The following AGO1 variants were observed in gnomAD, a reference collection of about 807,000 sequenced individuals.
AGO1 encodes argonaute RISC component 1, also known as protein argonaute-1.
A neutral mutation model predicts 109.2 loss-of-function variants in AGO1; 11 were observed. The ratio of observed to expected loss-of-function variants is 0.10; its 90% CI spans 0.06 to 0.17. AGO1 has a LOEUF of 0.17. Ranked by LOEUF, AGO1 falls within the 10% of genes least tolerant of loss-of-function variation. The probability of loss-of-function intolerance (pLI) is 1.00; values close to 1 mark genes in which losing one functional copy is unlikely to be tolerated. For synonymous variants in AGO1, 422 were observed against 418.6 expected, an observed-to-expected ratio of 1.01 and a Z score of -0.10; for missense variants, 574 against 1,140.3, an observed-to-expected ratio of 0.50 and a Z score of 7.15.
chr1:35,904,196 TC>T (rs1284560113), intron 11 of AGO1, among the ~76,000 whole-genome samples: 1 of 147,890 alleles, frequency 6.8e-6, no homozygotes, highest in Non-Finnish European at 1.5e-5. Flanking sequence ...AGCTCCGCCT[TC>T]CGGGTTCACG....
chr1:35,906,666 C>G (rs1442996471), intron 11 of AGO1, among the ~76,000 whole-genome samples: 1 of 151,900 alleles, frequency 6.6e-6, no homozygotes, highest in Non-Finnish European at 1.5e-5. Flanking sequence ...AAAAATTAGC[C>G]AGGCATGGTG....
In AGO1 at chr1:35,912,807, C is replaced by T. The variant is rs189568625; in HGVS notation, c.1583-1035C>T. ...CAGGCTGTTCTTGAACTCCTGACCT[C>T]GTGATCCACCCACCTGAGCCTCCCA... On this transcript the variant is annotated intron_variant, in intron 12 of 18. Coordinates refer to ENST00000373204, the MANE Select transcript of AGO1 (RefSeq NM_012199.5). Among the ~76,000 whole-genome samples the T allele has an allele frequency of 5.3e-4, 80 of 152,144 alleles. 1 individual carries two copies. Among genetic ancestry groups the T allele is most frequent in the Non-Finnish European group, 8.5e-4 (58 of 68,002 alleles).
upstream of AGO1, among the ~76,000 whole-genome samples, chr1:35,881,775 G>C (rs1036552450): frequency 2.0e-5 from 3 of 152,206 alleles, no homozygotes; most frequent in African/African-American, 7.2e-5. Flanking sequence ...CCTCTGCATG[G>C]CATCTAGTGT....
At chr1:35,873,088 A>G (rs1034719522) in intron 1 of AGO1, among the ~76,000 whole-genome samples, 7 of 150,822 alleles carry the variant, frequency 4.6e-5, no homozygotes, top group Admixed American at 2.6e-4. Flanking sequence ...ATTACTGTCT[A>G]TGCTTAGCAA....
chr1:35,920,262 C>T lies in AGO1; in HGVS notation c.*655C>T, dbSNP rs1329847234. 6.6e-6 allele frequency: 1 copy of T among 152,516 alleles called. No individual in the cohort carries two copies. Among genetic ancestry groups the T allele is most frequent in the Non-Finnish European group, 1.5e-5 (1 of 68,072 alleles). The allele number at this position is 152,516 out of a possible 1,614,324, so 9.4% of individuals were successfully genotyped here. ...ATTCCTCTCTGTCCACATTTTCTGC[C>T]CCACCTTACTTCTCCTCCCTGACAG... On this transcript the variant is annotated 3_prime_UTR_variant, in exon 19 of 19. Transcript: ENST00000373204.
intron 2 of AGO1, among the ~76,000 whole-genome samples, chr1:35,891,046 T>G (rs897648618): frequency 6.6e-6 from 1 of 152,200 alleles, no homozygotes; most frequent in African/African-American, 2.4e-5. Context: ...TTAGAGCTGC[T>G]TCCTGGTAGG....
chr1:35,893,072 A>T lies in AGO1; in HGVS notation c.331-25A>T, dbSNP rs1344441749. ...TCTCGCAGAGCAATGGCAATCCTTC[A>T]TCCCTTTCTTTCACCCTCCTGAAGG... On this transcript the variant is annotated intron_variant, in intron 3 of 18. Coordinates refer to ENST00000373204, the MANE Select transcript of AGO1 (RefSeq NM_012199.5). This position sits in a 1 kb window ranked among gnomAD's most constrained non-coding sequence, Gnocchi z 5.6. The T allele has an allele frequency of 1.2e-6, 2 of 1,609,010 alleles. No homozygotes were observed. Among genetic ancestry groups the T allele is most frequent in the South Asian group, 1.1e-5 (1 of 90,520 alleles).
At chr1:35,891,655 C>G (rs1645221501) in intron 2 of AGO1, among the ~76,000 whole-genome samples, 1 of 152,004 alleles carries the variant, frequency 6.6e-6, no homozygotes, top group African/African-American at 2.4e-5. Context: ...ACCTCTGCCT[C>G]TCAGGCTCAA....
At chr1:35,910,896 C>A (rs565998912) in intron 12 of AGO1, among the ~76,000 whole-genome samples, 1 of 152,090 alleles carries the variant, frequency 6.6e-6, no homozygotes, top group Non-Finnish European at 1.5e-5. Flanking sequence ...GAAACCCAGT[C>A]TCTACTAAAA....
At chr1:35,908,196 G>A (rs564300099) in intron 12 of AGO1, among the ~76,000 whole-genome samples, 1 of 152,236 alleles carries the variant, frequency 6.6e-6, no homozygotes, top group South Asian at 2.1e-4. Context: ...CAGCCACCTT[G>A]CCTTCTGTCT....
rs1646007200 is a variant in AGO1 at position 35,930,108 on chromosome 1, T to G, written c.*10501T>G. 1 of 152,168 alleles carries G rather than the reference T, an allele frequency of 6.6e-6. No homozygotes were observed. Among genetic ancestry groups the G allele is most frequent in the African/African-American group, 2.4e-5 (1 of 41,428 alleles). The allele number at this position is 152,168 out of a possible 1,614,324, so 9.4% of individuals were successfully genotyped here. On this transcript the variant is annotated 3_prime_UTR_variant, in exon 19 of 19. Coordinates refer to ENST00000373204, the MANE Select transcript of AGO1 (RefSeq NM_012199.5). ...TATGTTTCATTAAGGCAACAAATATTTATTAAGGACCTAATATTTGCCTGA... is the reference window on the plus strand; with the variant it reads ...TATGTTTCATTAAGGCAACAAATATGTATTAAGGACCTAATATTTGCCTGA...
intron 1 of AGO1, among the ~76,000 whole-genome samples, chr1:35,884,177 G>A (rs1645081682): frequency 2.0e-5 from 3 of 151,334 alleles, no homozygotes; most frequent in South Asian, 4.2e-4. Flanking sequence ...GTGTGCAAAT[G>A]GTTATGGTCC....
chr1:35,876,550 G>A (rs147950043), intron 1 of AGO1, among the ~76,000 whole-genome samples: 54 of 152,286 alleles, frequency 3.5e-4, no homozygotes, highest in African/African-American at 1.2e-3. Flanking sequence ...ACAGGTGTGA[G>A]CCACTGTGCC....
In AGO1 at chr1:35,895,151, C is replaced by G. The variant is rs1472903106; in HGVS notation, c.902C>G (p.Thr301Ser). ...CCCTTACAGCTGGAGAGTGGACAGA[C>G]TGTGGAGTGCACAGTGGCACAGTAT... is the stretch of plus-strand genomic sequence containing the variant. Reference protein sequence around the residue: ...TFPLQLESGQTVECTVAQYFK... With the variant: ...TFPLQLESGQSVECTVAQYFK... Residue 301 changes from threonine to serine, a missense_variant, in exon 8 of 19, where the codon ACT becomes AGT. Thr to Ser is a moderately conservative substitution (Grantham distance 58). Transcript: ENST00000373204. The G allele has an allele frequency of 6.2e-7, 1 of 1,613,150 alleles. No homozygotes were observed. Among genetic ancestry groups the G allele is most frequent in the Admixed American group, 1.7e-5 (1 of 59,908 alleles).
chr1:35,881,207 C>T (rs559371438), upstream of AGO1, among the ~76,000 whole-genome samples: 1 of 152,222 alleles, frequency 6.6e-6, no homozygotes, highest in Non-Finnish European at 1.5e-5. Flanking sequence ...AGATCGGCAG[C>T]ATCATCAGCC....
At chr1:35,905,941 A>G (rs1571363312) in intron 11 of AGO1, among the ~76,000 whole-genome samples, 1 of 152,292 alleles carries the variant, frequency 6.6e-6, no homozygotes, top group East Asian at 1.9e-4. Flanking sequence ...AAACTATCAC[A>G]TTGCTTTTTG....
chr1:35,895,048 C>T (rs1437471587), intron 7 of AGO1, 74 bp from the exon 8 acceptor site: 2 of 1,484,146 alleles, frequency 1.3e-6, no homozygotes, highest in African/African-American at 2.9e-5. Context: ...CTGAGGCTTC[C>T]ATGGTTGTGG....
intron 11 of AGO1, among the ~76,000 whole-genome samples, chr1:35,903,510 T>C (rs1411306153): frequency 6.6e-6 from 1 of 151,432 alleles, no homozygotes; most frequent in Non-Finnish European, 1.5e-5. Context: ...TAGACAAGGG[T>C]AGTGGGGAAG....
chr1:35,882,891 A>C (rs915214706), upstream of AGO1: 4 of 985,276 alleles, frequency 4.1e-6, no homozygotes, highest in Non-Finnish European at 4.8e-6. The surrounding 1 kb of genome is among the most constrained non-coding windows in gnomAD (Gnocchi z 5.1). Flanking sequence ...TGGGGTTCCC[A>C]TAATGTGTGC....
Sources: gnomAD v4.1 joint callset for allele counts (sites outside exome capture counted in the v4.1 genomes callset) on GRCh38, gnomAD v4.1.1 for gene constraint, Gnocchi (gnomAD v3.1) non-coding constraint, MANE v1.5 for transcripts, NCBI Gene and HGNC (gene_info 2026-07-23, HGNC 2026-07-21) for gene names.